The following RYR3 variants were observed in gnomAD, a reference collection of about 807,000 sequenced individuals.
RYR3 encodes the protein brain ryanodine receptor-calcium release channel.
RYR3 carries 207 observed loss-of-function variants against 584.3 expected under a neutral mutation model. That is an observed-to-expected ratio of 0.35 (90% CI 0.32 to 0.40). The LOEUF (loss-of-function observed/expected upper bound fraction) is 0.40, where lower values mean the gene tolerates loss of function less well. RYR3 is among the 10% of genes least tolerant of loss of function. The pLI is 1.00. For synonymous variants in RYR3, 2,416 were observed against 2,248.5 expected (o/e 1.07, Z -2.11); for missense variants, 5,616 against 6,089.2 (o/e 0.92, Z 2.59).
At chr15:33,686,038 G>A (rs2064985695) in intron 38 of RYR3, among the ~76,000 whole-genome samples, 2 of 152,066 alleles carry the variant, frequency 1.3e-5, no homozygotes, top group Admixed American at 1.3e-4. Flanking sequence ...AAGAACTAGA[G>A]AAGCAAGAGC....
At chr15:33,483,996 T>C (rs1291114138) in intron 2 of RYR3, among the ~76,000 whole-genome samples, 1 of 152,186 alleles carries the variant, frequency 6.6e-6, no homozygotes. Flanking sequence ...AATATTCCTT[T>C]CAGTTCTAGA....
chr15:33,753,223 TTTTA>T (rs2071494636), intron 57 of RYR3, among the ~76,000 whole-genome samples: 2 of 152,220 alleles, frequency 1.3e-5, no homozygotes, highest in South Asian at 2.1e-4. Context: ...CTCTTCATAC[TTTTA>T]TTTGTTGTTT....
intron 17 of RYR3, 66 bp from the exon 18 acceptor site, chr15:33,603,057 C>T: frequency 6.4e-7 from 1 of 1,573,550 alleles, no homozygotes; most frequent in Non-Finnish European, 8.7e-7. Context: ...CTCCTATGGT[C>T]TGGTTCAACT....
In RYR3 at chr15:33,432,668, T is replaced by TGTGTGTG. The variant is rs113646851; in HGVS notation, c.52-40751_52-40750insGTGTGTG. Reference sequence around the variant, plus strand: ...GGTGCCCACGACCACGCCTAGCTAATTGTGTGTGTGTGTGTGTGTGTGTGT... The same window carrying TGTGTGTG: ...GGTGCCCACGACCACGCCTAGCTAATGTGTGTGTGTGTGTGTGTGTGTGTGTGTGTGT... On this transcript the variant is annotated intron_variant, in intron 1 of 103. Transcript: ENST00000634891. 2.4e-3 allele frequency among the ~76,000 whole-genome samples: 321 copies of TGTGTGTG among 132,196 alleles called. 3 individuals carry two copies. Among genetic ancestry groups the TGTGTGTG allele is most frequent in the South Asian group, 0.011 (42 of 3,888 alleles). The allele number at this position is 132,196 out of a possible 152,430, so 86.7% of individuals were successfully genotyped here.
At chr15:33,352,578 T>C (rs140311064) in intron 1 of RYR3, among the ~76,000 whole-genome samples, 1,644 of 152,308 alleles carry the variant, frequency 0.011, 19 homozygotes, top group Non-Finnish European at 0.012. Flanking sequence ...GTGCTTCGTT[T>C]TGTCTCTGCT....
chr15:33,334,904 G>A (rs1970779522), intron 1 of RYR3, among the ~76,000 whole-genome samples: 1 of 151,860 alleles, frequency 6.6e-6, no homozygotes, highest in African/African-American at 2.4e-5. Flanking sequence ...AGACATACAT[G>A]CAGTCAACAA....
chr15:33,337,934 A>ATTTTTTTTTTTTTTTTTTTTT (rs199625940), intron 1 of RYR3, among the ~76,000 whole-genome samples: 1 of 113,604 alleles, frequency 8.8e-6, no homozygotes. Flanking sequence ...ATTTTAGGAG[A>ATTTTTTTTTTTTTTTTTTTTT]TTTTTTTTTT....
chr15:33,513,416 T>C (rs1354078796), intron 3 of RYR3, among the ~76,000 whole-genome samples: 6 of 152,168 alleles, frequency 3.9e-5, no homozygotes, highest in Non-Finnish European at 8.8e-5. Flanking sequence ...ATTGCCACTA[T>C]CTGGTTTTAG....
intron 3 of RYR3, among the ~76,000 whole-genome samples, chr15:33,514,845 C>CAA (rs991853416): frequency 3.5e-4 from 52 of 150,298 alleles, no homozygotes; most frequent in African/African-American, 1.1e-3. Context: ...ACTAAAAATA[C>CAA]AAAAAAAAAT....
In RYR3 at chr15:33,859,676, C is replaced by A; in HGVS notation, c.14244C>A (p.Val4748=). 6.2e-7 allele frequency: 1 copy of A among 1,613,768 alleles called. No individual in the cohort carries two copies. Among genetic ancestry groups the A allele is most frequent in the Non-Finnish European group, 8.5e-7 (1 of 1,179,800 alleles). ...AGDPYEMYRI[V]FDITFFFFVI... is the part of the protein sequence containing the mutation. ...ATCCTTATGAAATGTATCGCATTGTCTTTGACATTACCTTTTTCTTCTTCG... is the reference window on the plus strand; with the variant it reads ...ATCCTTATGAAATGTATCGCATTGTATTTGACATTACCTTTTTCTTCTTCG... The change falls in exon 100 of 104, where the codon GTC becomes GTA. Residue 4748 remains valine (V), a synonymous_variant. Coordinates refer to ENST00000634891, the MANE Select transcript of RYR3 (RefSeq NM_001036.6).
At chr15:33,817,567 C>T (rs1374673632) in intron 75 of RYR3, among the ~76,000 whole-genome samples, 4 of 152,158 alleles carry the variant, frequency 2.6e-5, no homozygotes, top group African/African-American at 4.8e-5. Flanking sequence ...TTTCTCTTAC[C>T]ACTCACTCTC....
intron 65 of RYR3, among the ~76,000 whole-genome samples, chr15:33,783,062 A>C (rs2074478659): frequency 6.6e-6 from 1 of 152,164 alleles, no homozygotes; most frequent in African/African-American, 2.4e-5. Flanking sequence ...TCTGTGTTGC[A>C]AAGAGAAGAG....
chr15:33,635,505 G>C, intron 25 of RYR3, 109 bp from the exon 26 acceptor site: 1 of 784,192 alleles, frequency 1.3e-6, no homozygotes, highest in Non-Finnish European at 2.2e-6. Flanking sequence ...CCTATGGTCA[G>C]TCTTAGATGT....
chr15:33,472,280 A>G (rs2142212593), intron 1 of RYR3, among the ~76,000 whole-genome samples: 1 of 152,266 alleles, frequency 6.6e-6, no homozygotes, highest in Middle Eastern at 3.4e-3. Flanking sequence ...GTTAATCGTG[A>G]ATTGCTTCGC....
intron 1 of RYR3, among the ~76,000 whole-genome samples, chr15:33,348,215 T>C (rs925794414): frequency 6.6e-5 from 10 of 152,214 alleles, no homozygotes; most frequent in Non-Finnish European, 1.0e-4. Context: ...AGTTGTTCAG[T>C]TCTAGTATAC....
chr15:33,697,412 C>A (rs1423255672), intron 39 of RYR3, among the ~76,000 whole-genome samples: 3 of 152,174 alleles, frequency 2.0e-5, no homozygotes, highest in Non-Finnish European at 4.4e-5. Context: ...GGGGAATGGG[C>A]AGCCAGAAAG....
chr15:33,363,427 G>C (rs1975044700), intron 1 of RYR3, among the ~76,000 whole-genome samples: 1 of 152,196 alleles, frequency 6.6e-6, no homozygotes. Context: ...CTCATGCTCA[G>C]TTTTGGGACA....
chr15:33,496,990 G>A (rs943188608), intron 2 of RYR3, among the ~76,000 whole-genome samples: 1 of 152,156 alleles, frequency 6.6e-6, no homozygotes, highest in African/African-American at 2.4e-5. Context: ...AGAGCAGCTG[G>A]TACAGGAACG....
chr15:33,657,318 C>T (rs1162966741), intron 32 of RYR3, among the ~76,000 whole-genome samples: 1 of 152,176 alleles, frequency 6.6e-6, no homozygotes, highest in African/African-American at 2.4e-5. Context: ...AATAAAACTC[C>T]CTCTTCAAGC....
Sources: allele counts gnomAD v4.1 joint callset (sites outside exome capture counted in the v4.1 genomes callset), GRCh38; gene constraint gnomAD v4.1.1; transcripts MANE v1.5; gene names NCBI Gene and HGNC (gene_info 2026-07-23, HGNC 2026-07-21).